The following SGCD variants were observed in gnomAD, a reference collection of about 807,000 sequenced individuals.
SGCD encodes delta-sarcoglycan.
Under a neutral mutation model 36.6 loss-of-function variants are expected in SGCD, and 18 were observed. The observed-to-expected ratio is 0.49, with a 90% CI of 0.34 to 0.73. The LOEUF (loss-of-function observed/expected upper bound fraction) is 0.73. Among genes scored for constraint, SGCD ranks in the 30% least tolerant of loss-of-function variants. The pLI is 0.01. For missense variants in SGCD, 387 were observed against 346.7 expected (o/e 1.12, Z -0.92); for synonymous variants, 133 against 130.6 (o/e 1.02, Z -0.12).
chr5:155,842,107 G>A, the SGCD span, among the ~76,000 whole-genome samples: 2 of 152,026 alleles, frequency 1.3e-5, no homozygotes, highest in Non-Finnish European at 2.9e-5. Context: ...AAGAAGAGAG[G>A]AAAGATAGGG....
chr5:155,932,759 A>G (rs933604322), intron 1 of SGCD, among the ~76,000 whole-genome samples: 2 of 152,220 alleles, frequency 1.3e-5, no homozygotes, highest in African/African-American at 4.8e-5. Context: ...TTAATGAATC[A>G]TGAACCAAAC....
intron 1 of SGCD, among the ~76,000 whole-genome samples, chr5:155,983,793 A>G (rs907198005): frequency 6.6e-6 from 1 of 152,246 alleles, no homozygotes; most frequent in Non-Finnish European, 1.5e-5. Flanking sequence ...AAGTCAAAGA[A>G]TAGCCCATGT....
intron 6 of SGCD, among the ~76,000 whole-genome samples, chr5:156,620,589 AG>A (rs1248650579): frequency 6.6e-6 from 1 of 152,112 alleles, no homozygotes; most frequent in Non-Finnish European, 1.5e-5. Flanking sequence ...GAGGAGAAAT[AG>A]GGGGAAGTGT....
chr5:155,900,705 A>C (rs1015180720), intron 1 of SGCD, among the ~76,000 whole-genome samples: 3 of 152,056 alleles, frequency 2.0e-5, no homozygotes, highest in African/African-American at 7.2e-5. Flanking sequence ...CCTAGTAAGA[A>C]TTCTCAAAAT....
intron 3 of SGCD, among the ~76,000 whole-genome samples, chr5:156,275,170 G>A (rs1328350441): frequency 6.6e-6 from 1 of 152,030 alleles, no homozygotes; most frequent in African/African-American, 2.4e-5. Context: ...CCTGATTGAG[G>A]GAGAATAGGA....
intron 4 of SGCD, among the ~76,000 whole-genome samples, chr5:156,533,031 C>A (rs1757951459): frequency 1.3e-5 from 2 of 152,128 alleles, no homozygotes; most frequent in African/African-American, 4.8e-5. Flanking sequence ...GCCATCTTAT[C>A]TTGGAGAAGT....
chr5:156,684,423 T>C (rs1262102887), intron 7 of SGCD, among the ~76,000 whole-genome samples: 6 of 152,250 alleles, frequency 3.9e-5, no homozygotes. Flanking sequence ...CTCTGCGCTA[T>C]AGATTCCAGC....
At chr5:156,191,200 C>A (rs1416467525) in intron 3 of SGCD, among the ~76,000 whole-genome samples, 1 of 151,928 alleles carries the variant, frequency 6.6e-6, no homozygotes. Context: ...TAGAGTTACA[C>A]CTTACAGAGA....
chr5:156,413,242 G>A (rs1397337328), intron 3 of SGCD, among the ~76,000 whole-genome samples: 2 of 152,200 alleles, frequency 1.3e-5, no homozygotes, highest in African/African-American at 2.4e-5. Flanking sequence ...GGTCGGGGAA[G>A]GCCCTATTTG....
At chr5:156,473,636 T>C (rs1399875511) in intron 3 of SGCD, among the ~76,000 whole-genome samples, 3 of 152,224 alleles carry the variant, frequency 2.0e-5, no homozygotes, top group African/African-American at 7.2e-5. Flanking sequence ...GTAAACTCCT[T>C]GGGAGTGTCA....
chr5:156,197,543 G>A (rs888917672), intron 3 of SGCD, among the ~76,000 whole-genome samples: 1 of 148,914 alleles, frequency 6.7e-6, no homozygotes, highest in Non-Finnish European at 1.5e-5. Context: ...GAGAGCCAGA[G>A]AAGTAAAAGT....
intron 4 of SGCD, among the ~76,000 whole-genome samples, chr5:156,585,725 A>G (rs1292642413): frequency 6.6e-6 from 1 of 152,180 alleles, no homozygotes; most frequent in African/African-American, 2.4e-5. Context: ...AGAATTTTCT[A>G]ATGTGATCAA....
chr5:156,311,196 C>G (rs901805587), intron 3 of SGCD, among the ~76,000 whole-genome samples: 1 of 152,120 alleles, frequency 6.6e-6, no homozygotes, highest in Non-Finnish European at 1.5e-5. Context: ...TTCTCTGACA[C>G]CTGCTATTTT....
At chr5:156,679,841 G>A (rs1339927800) in intron 7 of SGCD, among the ~76,000 whole-genome samples, 1 of 151,882 alleles carries the variant, frequency 6.6e-6, no homozygotes, top group East Asian at 1.9e-4. Context: ...TTTCTCATAT[G>A]TATCACTTTA....
At chr5:156,710,895 T>A (rs1017618726) in intron 7 of SGCD, among the ~76,000 whole-genome samples, 4 of 152,254 alleles carry the variant, frequency 2.6e-5, no homozygotes, top group Admixed American at 2.6e-4. Flanking sequence ...CTCTACAGAA[T>A]GTAAATTTAC....
rs1159757639 is a variant in SGCD at position 155,890,608 on chromosome 5, AATAG to A, written c.-282+20189_-282+20192del. ...GGGTGACAGTGATACCCTGTTTCTA[AATAG>A]ATAGGTAGGTAAGTAGATAGACAGA... On this transcript the variant is annotated intron_variant, in intron 1 of 9. Coordinates refer to the SGCD transcript ENST00000517913. 4.0e-5 allele frequency among the ~76,000 whole-genome samples: 6 copies of A among 150,894 alleles called. No homozygotes were observed. The East Asian group carries it at 7.8e-4, about 20-fold the overall frequency.
intron 1 of SGCD, among the ~76,000 whole-genome samples, chr5:155,895,721 T>A (rs947139549): frequency 5.9e-5 from 9 of 151,268 alleles, no homozygotes; most frequent in African/African-American, 1.7e-4. Context: ...CACATTTAAA[T>A]GTCATCTAAG....
intron 1 of SGCD, among the ~76,000 whole-genome samples, chr5:156,046,927 C>T (rs949424078): frequency 2.0e-5 from 3 of 152,026 alleles, no homozygotes; most frequent in Admixed American, 6.6e-5. Flanking sequence ...GTTGTTAATG[C>T]AAAGGAAAAG....
chr5:156,376,386 G>A (rs1184437018), intron 3 of SGCD, among the ~76,000 whole-genome samples: 2 of 152,204 alleles, frequency 1.3e-5, no homozygotes, highest in African/African-American at 4.8e-5. Context: ...GCTAGGAAGT[G>A]CTAACCCTGG....
Sources: allele counts gnomAD v4.1 joint callset (sites outside exome capture counted in the v4.1 genomes callset), GRCh38; gene constraint gnomAD v4.1.1; transcripts MANE v1.5; gene names NCBI Gene and HGNC (gene_info 2026-07-23, HGNC 2026-07-21).